CDH15: variants seen among roughly 807,000 people sequenced by gnomAD.
The protein encoded by CDH15 is cadherin 15, also known as cadherin-15.
A neutral mutation model predicts 69.4 loss-of-function variants in CDH15; 73 were observed. The ratio of observed to expected loss-of-function variants is 1.05; its 90% CI spans 0.87 to 1.28. The LOEUF is 1.28. Ranked by LOEUF, CDH15 falls within the 50% of genes most tolerant of loss-of-function variation. CDH15 has a pLI of 0.00. For missense variants in CDH15, 1,343 were observed against 1,133.6 expected, an observed-to-expected ratio of 1.18 and a Z score of -2.65; for synonymous variants, 624 against 507.7, an observed-to-expected ratio of 1.23 and a Z score of -3.08.
chr16:89,183,683 GCAGTCCCAGGTGAGA>G lies in CDH15; in HGVS notation c.497_502+9del. 6.2e-7 allele frequency: 1 copy of G among 1,602,388 alleles called. No homozygotes were observed. Among genetic ancestry groups the G allele is most frequent in the Non-Finnish European group, 8.5e-7 (1 of 1,174,510 alleles). On this transcript the variant is annotated splice_donor_variant and splice_donor_5th_base_variant and coding_sequence_variant and intron_variant, in exon 4 of 14. Coordinates refer to ENST00000289746, the MANE Select transcript of CDH15 (RefSeq NM_004933.3). LOFTEE classifies it high-confidence loss of function. ...GTTCACTGGCCGCGTGCTGGAGGGT[GCAGTCCCAGGTGAGA>G]CAGGACCACAGCCCCGGGCCGGGAG...
At chr16:89,191,232 C>A in intron 8 of CDH15, 98 bp from the exon 9 acceptor site, 2 of 1,370,480 alleles carry the variant, frequency 1.5e-6, no homozygotes, top group Non-Finnish European at 2.1e-6. Context: ...TATGTGTGTG[C>A]CTGTGTGTGT....
intron 10 of CDH15, 66 bp downstream of exon 10, chr16:89,191,960 C>G (rs1050312452): frequency 4.9e-6 from 7 of 1,442,748 alleles, no homozygotes; most frequent in African/African-American, 1.4e-5. Context: ...ATTCCGGCCT[C>G]GGACGGGGGC....
intron 1 of CDH15, among the ~76,000 whole-genome samples, chr16:89,178,996 C>T (rs1460930911): frequency 6.6e-6 from 1 of 152,210 alleles, no homozygotes; most frequent in African/African-American, 2.4e-5. Flanking sequence ...TACCCTGGCA[C>T]CTGGGGCGAG....
At position 89,195,373 on chromosome 16, in the gene CDH15, C is replaced by G. The variant is rs898931518; in HGVS notation, c.*218C>G. ...TGGGAAGAGTTTCTCTCCATCGGCC[C>G]CATGCGGGTCACCTCCCTAGTCCCA... On this transcript the variant is annotated 3_prime_UTR_variant, in exon 14 of 14. Transcript: ENST00000289746. The G allele has an allele frequency of 8.6e-6, 5 of 581,880 alleles. No individual in the cohort carries two copies. The highest frequency in any genetic ancestry group is 5.6e-5 in the East Asian group (2 of 35,470). 36.0% of individuals were successfully genotyped at this position (581,880 alleles called of 1,614,324 possible). A position where few individuals can be genotyped will look rare whatever the true frequency, so the allele number is the denominator to read the frequency against.
In CDH15 at chr16:89,191,386, G is replaced by C; in HGVS notation, c.1289G>C (p.Arg430Pro). The change falls in exon 9 of 14, where the codon CGG becomes CCG. Residue 430 changes from arginine (R) to proline (P), a missense_variant. Arg to Pro is a moderately radical substitution (Grantham distance 103). Transcript: ENST00000289746. Reference sequence around the variant, plus strand: ...CTGCAAGTGGACGCAGCCACTGGCCGGATCCAGACCCAGCACGTGCTCAGC... The same window carrying C: ...CTGCAAGTGGACGCAGCCACTGGCCCGATCCAGACCCAGCACGTGCTCAGC... ...DWLQVDAATG[R>P]IQTQHVLSPA... The C allele has an allele frequency of 6.2e-7, 1 of 1,612,796 alleles. No homozygotes were observed. The highest frequency in any genetic ancestry group is 8.5e-7 in the Non-Finnish European group (1 of 1,179,998).
chr16:89,177,352 G>C (rs566648233), intron 1 of CDH15, among the ~76,000 whole-genome samples: 18 of 152,302 alleles, frequency 1.2e-4, no homozygotes, highest in African/African-American at 4.1e-4. Context: ...GGGGAACACA[G>C]CTCCTCACTT....
rs770466727 is a variant in CDH15, at chr16:89,188,216, C to G, written c.909C>G (p.Gly303=). The G allele has an allele frequency of 1.2e-6, 2 of 1,613,360 alleles. No homozygotes were observed. Among genetic ancestry groups the G allele is most frequent in the East Asian group, 4.5e-5 (2 of 44,870 alleles). ...NWVARFTILE[G]DPDGQFTIRT... ...TGGCCAGGTTCACCATCCTGGAAGG[C>G]GACCCCGATGGGCAGTTCACCATCC... The change falls in exon 7 of 14, where the codon GGC becomes GGG. Residue 303 remains glycine, a synonymous_variant. Transcript: ENST00000289746.
chr16:89,173,167 C>T (rs1915192469), intron 1 of CDH15, among the ~76,000 whole-genome samples: 1 of 152,188 alleles, frequency 6.6e-6, no homozygotes, highest in African/African-American at 2.4e-5. Flanking sequence ...CGTGCTCACC[C>T]CCCGGCCCTC....
At chr16:89,192,116 G>A (rs1915661628) in intron 10 of CDH15, 89 bp from the exon 11 acceptor site, 2 of 1,437,862 alleles carry the variant, frequency 1.4e-6, no homozygotes, top group Middle Eastern at 2.5e-4. Flanking sequence ...CCAGGATCTC[G>A]GGATCCCCAC....
chr16:89,186,803 AGC>A (rs1915500044), intron 5 of CDH15, among the ~76,000 whole-genome samples: 1 of 145,678 alleles, frequency 6.9e-6, no homozygotes, highest in Non-Finnish European at 1.5e-5. Flanking sequence ...ACGCTTACCC[AGC>A]GCACAGAAGG....
intron 1 of CDH15, among the ~76,000 whole-genome samples, chr16:89,172,249 G>T (rs1321542820): frequency 6.6e-6 from 1 of 151,952 alleles, no homozygotes; most frequent in African/African-American, 2.4e-5. Flanking sequence ...GCCCCTCTCT[G>T]GGGGGCTGGG....
intron 1 of CDH15, among the ~76,000 whole-genome samples, chr16:89,175,391 G>A (rs1287397589): frequency 6.6e-6 from 1 of 152,276 alleles, no homozygotes; most frequent in African/African-American, 2.4e-5. Flanking sequence ...CTCTGTGGCT[G>A]GATTTCCTTC....
intron 1 of CDH15, among the ~76,000 whole-genome samples, chr16:89,176,005 G>C (rs960227562): frequency 2.6e-5 from 4 of 152,256 alleles, no homozygotes; most frequent in Non-Finnish European, 5.9e-5. Context: ...CAGTCAGAGC[G>C]AGAGGCCCCA....
chr16:89,191,969 G>A, intron 10 of CDH15, 75 bp downstream of exon 10: 7 of 1,411,074 alleles, frequency 5.0e-6, no homozygotes, highest in Non-Finnish European at 6.7e-6. Context: ...TCGGACGGGG[G>A]CAGGAGGGTG....
intron 13 of CDH15, among the ~76,000 whole-genome samples, chr16:89,194,554 G>A (rs1223259629): frequency 2.0e-5 from 3 of 152,162 alleles, no homozygotes; most frequent in Non-Finnish European, 2.9e-5. Context: ...CAAGGGCCAC[G>A]GGGAGGAAGA....
Position 89,187,000 on chromosome 16 carries a change from G to A in CDH15, c.664-429G>A, listed in dbSNP as rs202008250. Among the ~76,000 whole-genome samples, 1,059 of 148,844 alleles carry A rather than the reference G, an allele frequency of 7.1e-3. 44 individuals carry two copies. The East Asian group carries it at 0.075, about 11-fold the overall frequency. Reference sequence around the variant, plus strand: ...GGTGCTCTGTAAACGCTTACCCAGCGCACAGTAGGTGCTCTGTAAACGCTT... The same window carrying A: ...GGTGCTCTGTAAACGCTTACCCAGCACACAGTAGGTGCTCTGTAAACGCTT... On this transcript the variant is annotated intron_variant, in intron 5 of 13. Transcript: ENST00000289746.
chr16:89,190,562 C>G, intron 8 of CDH15, 66 bp downstream of exon 8: 4 of 1,542,284 alleles, frequency 2.6e-6, no homozygotes, highest in Non-Finnish European at 3.5e-6. Flanking sequence ...TTCGGGTGCC[C>G]CTGATCCCTG....
rs530799119 is a variant in CDH15 at position 89,194,422 on chromosome 16, C to T, written c.2152-440C>T. ...AGCCCCCAGCCAAGGTGTACACCCCCGGTTAGGAGCGTGTGTCCCCACGAG... is the reference window on the plus strand; with the variant it reads ...AGCCCCCAGCCAAGGTGTACACCCCTGGTTAGGAGCGTGTGTCCCCACGAG... On this transcript the variant is annotated intron_variant, in intron 13 of 13. Transcript: ENST00000289746. Among the ~76,000 whole-genome samples, 11 of 152,300 alleles carry T rather than the reference C, an allele frequency of 7.2e-5. No homozygotes were observed. In the East Asian group the frequency reaches 1.4e-3, roughly 19 times the overall value.
chr16:89,194,576 G>T (rs72819370), intron 13 of CDH15, among the ~76,000 whole-genome samples: 6,030 of 152,240 alleles, frequency 0.04, 163 homozygotes, highest in Admixed American at 0.078. Flanking sequence ...ACCAGGGTGA[G>T]GGGGAGCAAC....
Sources: gnomAD v4.1 joint callset for allele counts (sites outside exome capture counted in the v4.1 genomes callset) on GRCh38, gnomAD v4.1.1 for gene constraint, MANE v1.5 for transcripts, NCBI Gene and HGNC (gene_info 2026-07-23, HGNC 2026-07-21) for gene names.